The following BCOR variants were observed in gnomAD, a reference collection of about 807,000 sequenced individuals.
BCOR encodes BCL-6 corepressor.
A neutral mutation model predicts 86.7 loss-of-function variants in BCOR; 10 were observed. That is an observed-to-expected ratio of 0.12 (90% CI 0.07 to 0.20). The LOEUF (loss-of-function observed/expected upper bound fraction) is 0.20. Ranked by LOEUF, BCOR falls within the 10% of genes least tolerant of loss-of-function variation. The pLI is 1.00. For missense variants in BCOR, 1,259 were observed against 1,452.1 expected, an observed-to-expected ratio of 0.87 and a Z score of 2.16; for synonymous variants, 611 against 609.0, an observed-to-expected ratio of 1.00 and a Z score of -0.05.
chrX:40,074,393 G>T lies in BCOR; in HGVS notation c.953C>A (p.Ala318Asp). 1 of 1,210,911 alleles carries T rather than the reference G, an allele frequency of 8.3e-7. No homozygotes were observed. The highest frequency in any genetic ancestry group is 1.1e-6 in the Non-Finnish European group (1 of 894,958). The change falls in exon 4 of 15, where the codon GCC (alanine) becomes GAC (aspartate). Residue 318 changes from alanine (A) to aspartate (D), a missense_variant. This residue lies in a region of BCOR where 534 missense variants were observed against 594.8 expected (regional missense o/e 0.90). Coordinates refer to ENST00000378444, the MANE Select transcript of BCOR (RefSeq NM_001123385.2). ...QNSKQPRVPS[A>D]KAVTSGLPGD... ...CGGCAGGCCACTGGTGACCGCCTTG[G>T]CAGAGGGAACCCTGGGCTGCTTACT...
rs1935566370 is a variant in BCOR, at chrX:40,073,077, C to T, written c.2269G>A (p.Asp757Asn). 7 of 1,211,898 alleles carry T rather than the reference C, an allele frequency of 5.8e-6. No homozygotes were observed. The highest frequency in any genetic ancestry group is 1.8e-5 in the South Asian group (1 of 56,995). The stretch of plus-strand genomic sequence containing the variant: ...GAAAACCGATTCCGGAGGGTTGGGT[C>T]CTCGTAACGGGCTCTCTCATGGGAC... ...SRSHERARYE[D>N]PTLRNRFSEI... The change falls in exon 4 of 15, where the codon GAC (aspartate) becomes AAC (asparagine). Residue 757 changes from aspartate to asparagine, a missense_variant. By Grantham distance (23) the Asp-to-Asn change is conservative. Coordinates refer to ENST00000378444, the MANE Select transcript of BCOR (RefSeq NM_001123385.2).
chrX:40,059,674 T>C (rs1432057694), intron 10 of BCOR, among the ~76,000 whole-genome samples: 1 of 113,097 alleles, frequency 8.8e-6, no homozygotes, highest in African/African-American at 3.2e-5. Context: ...GCCCGCCCAT[T>C]CCCAAACAAA....
chrX:40,139,478 T>TA (rs1193900072), intron 1 of BCOR, among the ~76,000 whole-genome samples: 4 of 12,058 alleles, frequency 3.3e-4, no homozygotes, highest in Non-Finnish European at 4.8e-4. Flanking sequence ...TATATATATA[T>TA]ATATATATAT....
At chrX:40,101,150 G>A (rs1401420120), upstream of BCOR, among the ~76,000 whole-genome samples, 1 of 110,859 alleles carries the variant, frequency 9.0e-6, no homozygotes, top group Non-Finnish European at 1.9e-5. Flanking sequence ...CAAGCAGAAA[G>A]CTGTCGAAGG....
rs189283691 is a variant in BCOR, at chrX:40,128,753, C to T, written c.-41+48254G>A. Among the ~76,000 whole-genome samples, 550 of 111,350 alleles carry T rather than the reference C, an allele frequency of 4.9e-3. 4 individuals carry two copies. The highest frequency in any genetic ancestry group is 0.017 in the African/African-American group (512 of 30,678). The stretch of plus-strand genomic sequence containing the variant: ...CTATGCAAGTCATACCCTCAGATGG[C>T]TTTTTGTAAAAAACTATGTTGCCCA... On this transcript the variant is annotated intron_variant, in intron 1 of 14. Transcript: ENST00000342274.
At chrX:40,069,982 G>C (rs969509095) in intron 6 of BCOR, among the ~76,000 whole-genome samples, 1 of 112,240 alleles carries the variant, frequency 8.9e-6, no homozygotes, top group Non-Finnish European at 1.9e-5. Flanking sequence ...CCAGGGATGA[G>C]CTGGAAGTGG....
chrX:40,115,322 G>A (rs1937377195), intron 1 of BCOR, among the ~76,000 whole-genome samples: 1 of 112,033 alleles, frequency 8.9e-6, no homozygotes, highest in African/African-American at 3.2e-5. Context: ...ATCCTTCTGG[G>A]CCCATCCTGG....
chrX:40,077,822 C>T (rs374521802), intron 2 of BCOR, 22 bp downstream of exon 2: 53 of 1,198,051 alleles, frequency 4.4e-5, no homozygotes, highest in Non-Finnish European at 5.9e-5. Flanking sequence ...CACTCAGGCC[C>T]GGCCCAGATG....
intron 1 of BCOR, among the ~76,000 whole-genome samples, chrX:40,131,363 C>T (rs1466704881): frequency 1.8e-5 from 2 of 112,477 alleles, no homozygotes; most frequent in African/African-American, 6.4e-5. Context: ...TGACTAGAAA[C>T]TGAGAAAAAC....
At chrX:40,099,097 G>A (rs1289481919), upstream of BCOR, among the ~76,000 whole-genome samples, 1 of 113,229 alleles carries the variant, frequency 8.8e-6, no homozygotes, top group Non-Finnish European at 1.9e-5. Context: ...ATTTCCACTC[G>A]GTAACGTCGT....
intron 1 of BCOR, among the ~76,000 whole-genome samples, chrX:40,174,656 A>T (rs1013326239): frequency 8.9e-6 from 1 of 112,543 alleles, no homozygotes; most frequent in South Asian, 3.6e-4. Context: ...CCTCTAATAG[A>T]AACTACAACT....
At chrX:40,092,193 C>T (rs936263677) in intron 1 of BCOR, among the ~76,000 whole-genome samples, 2 of 112,099 alleles carry the variant, frequency 1.8e-5, no homozygotes, top group African/African-American at 6.5e-5. Context: ...CAGGGCTGCC[C>T]GCAGCTCCGG....
At chrX:40,163,134 G>C (rs1938452247) in intron 1 of BCOR, among the ~76,000 whole-genome samples, 2 of 111,787 alleles carry the variant, frequency 1.8e-5, no homozygotes, top group African/African-American at 6.5e-5. Context: ...TGGTGGTAGA[G>C]GGGGCGGTGA....
chrX:40,110,661 C>CTTTTTT (rs1569182584), intron 1 of BCOR, among the ~76,000 whole-genome samples: 10 of 24,719 alleles, frequency 4.0e-4, no homozygotes, highest in East Asian at 2.4e-3. Context: ...TTCTTTTTTC[C>CTTTTTT]TTTTTCTTTT....
At chrX:40,061,192 G>C (rs1188469692) in intron 10 of BCOR, among the ~76,000 whole-genome samples, 2 of 111,595 alleles carry the variant, frequency 1.8e-5, no homozygotes, top group African/African-American at 6.5e-5. Context: ...AAAAAAAAAT[G>C]TCTTTGCACT....
intron 1 of BCOR, among the ~76,000 whole-genome samples, chrX:40,168,479 G>A (rs1343018835): frequency 3.5e-5 from 4 of 113,163 alleles, no homozygotes; most frequent in African/African-American, 9.6e-5. Flanking sequence ...TGGTCCGGGT[G>A]GGGCACAAAG....
chrX:40,059,432 T>A (rs1284270633), intron 10 of BCOR, among the ~76,000 whole-genome samples: 1 of 112,311 alleles, frequency 8.9e-6, no homozygotes, highest in East Asian at 2.8e-4. Context: ...AAAGGCCCAA[T>A]CAAGGGCCCT....
intron 1 of BCOR, among the ~76,000 whole-genome samples, chrX:40,159,901 C>A (rs1165867514): frequency 5.4e-5 from 6 of 110,699 alleles, no homozygotes; most frequent in African/African-American, 2.0e-4. Flanking sequence ...ATTATTAACT[C>A]CAGGAAAAAA....
chrX:40,127,625 C>T (rs760983432), intron 1 of BCOR, among the ~76,000 whole-genome samples: 9 of 110,224 alleles, frequency 8.2e-5, no homozygotes, highest in Non-Finnish European at 1.3e-4. Flanking sequence ...GATCCTAGAA[C>T]TTTGGGAGGC....
Sources: allele counts gnomAD v4.1 joint callset (sites outside exome capture counted in the v4.1 genomes callset), GRCh38; gene constraint gnomAD v4.1.1; regional missense constraint gnomAD v4.1.1; transcripts MANE v1.5; gene names NCBI Gene and HGNC (gene_info 2026-07-23, HGNC 2026-07-21).